DLGAP1: variants seen among roughly 807,000 people sequenced by gnomAD.
DLGAP1 encodes DLG associated protein 1, also known as disks large-associated protein 1.
Under a neutral mutation model 90.8 loss-of-function variants are expected in DLGAP1, and 11 were observed. The observed-to-expected ratio is 0.12, with a 90% CI of 0.08 to 0.20. The LOEUF is 0.20. Ranked by LOEUF, DLGAP1 falls within the 10% of genes least tolerant of loss-of-function variation. The probability of loss-of-function intolerance (pLI) is 1.00; values close to 1 mark genes in which losing one functional copy is unlikely to be tolerated. For missense variants in DLGAP1, 1,050 were observed against 1,333.8 expected, an observed-to-expected ratio of 0.79 and a Z score of 3.31; for synonymous variants, 558 against 540.7, an observed-to-expected ratio of 1.03 and a Z score of -0.44.
At chr18:3,834,312 A>G (rs1424316233) in intron 4 of DLGAP1, among the ~76,000 whole-genome samples, 1 of 149,178 alleles carries the variant, frequency 6.7e-6, no homozygotes, top group East Asian at 1.9e-4. Flanking sequence ...TCTCAAAAAA[A>G]AAAAAAAAAA....
At chr18:3,602,914 T>TGTGTGCA (rs2057140821) in intron 7 of DLGAP1, 2 of 152,212 alleles carry the variant, frequency 1.3e-5, no homozygotes, top group Non-Finnish European at 2.9e-5. Flanking sequence ...GGACTGTGGT[T>TGTGTGCA]GAGACTTCAT....
Position 3,870,175 on chromosome 18 carries a change from C to T in DLGAP1, c.957+8937G>A, listed in dbSNP as rs146012986. Among the ~76,000 whole-genome samples, 7 of 152,274 alleles carry T rather than the reference C, an allele frequency of 4.6e-5. No individual in the cohort carries two copies. In the East Asian group the frequency reaches 7.7e-4, roughly 17 times the overall value. On this transcript the variant is annotated intron_variant, in intron 4 of 12. Transcript: ENST00000315677. ...CAGAATCATCCCATATCTATGAAAT[C>T]GGAATCTCTTGGGTGGATGCCAGAG...
At chr18:3,829,832 T>C (rs2067934452) in intron 4 of DLGAP1, among the ~76,000 whole-genome samples, 1 of 152,164 alleles carries the variant, frequency 6.6e-6, no homozygotes, top group South Asian at 2.1e-4. Context: ...TAGGGTTTGA[T>C]TGGGCACTGG....
chr18:3,583,167 TACC>T (rs1568240564), intron 7 of DLGAP1, among the ~76,000 whole-genome samples: 6,598 of 110,914 alleles, frequency 0.059, 226 homozygotes, highest in East Asian at 0.082. Context: ...CCTACCTACC[TACC>T]TACCTACCTA....
At chr18:3,845,513 C>T in intron 4 of DLGAP1, 3 of 984,002 alleles carry the variant, frequency 3.0e-6, no homozygotes, top group Non-Finnish European at 3.6e-6. Context: ...TAAGTGAATA[C>T]TTAGTGCAGA....
chr18:4,207,086 T>C (rs1403320142), intron 1 of DLGAP1, among the ~76,000 whole-genome samples: 1 of 152,110 alleles, frequency 6.6e-6, no homozygotes, highest in Non-Finnish European at 1.5e-5. Flanking sequence ...TCTTCCATCA[T>C]CATAGAAGAA....
intron 4 of DLGAP1, among the ~76,000 whole-genome samples, chr18:3,847,507 A>G (rs1471358446): frequency 2.0e-5 from 3 of 152,154 alleles, no homozygotes; most frequent in African/African-American, 4.8e-5. Flanking sequence ...AATAAAGATG[A>G]AGGGGAGGAA....
intron 3 of DLGAP1, among the ~76,000 whole-genome samples, chr18:3,957,631 T>A (rs2148976944): frequency 6.6e-6 from 1 of 152,306 alleles, no homozygotes; most frequent in Non-Finnish European, 1.5e-5. Flanking sequence ...TGAAAAAAAA[T>A]TACATTTTCT....
intron 1 of DLGAP1, among the ~76,000 whole-genome samples, chr18:4,406,466 G>A (rs1249639340): frequency 6.6e-6 from 1 of 152,146 alleles, no homozygotes; most frequent in Non-Finnish European, 1.5e-5. Flanking sequence ...GTGTTTTTAT[G>A]CACATATTTT....
intron 1 of DLGAP1, among the ~76,000 whole-genome samples, chr18:4,191,870 G>A (rs575811570): frequency 6.6e-6 from 1 of 152,236 alleles, no homozygotes; most frequent in South Asian, 2.1e-4. Flanking sequence ...TTCTTCTAAT[G>A]GAATGAGAGT....
At chr18:3,808,050 AT>A (rs559850335) in intron 5 of DLGAP1, among the ~76,000 whole-genome samples, 1 of 152,208 alleles carries the variant, frequency 6.6e-6, no homozygotes, top group African/African-American at 2.4e-5. Context: ...ATGAAGGAAC[AT>A]TTTTTTAAAA....
At chr18:4,035,519 G>T (rs180790454) in intron 2 of DLGAP1, among the ~76,000 whole-genome samples, 1 of 152,162 alleles carries the variant, frequency 6.6e-6, no homozygotes, top group Non-Finnish European at 1.5e-5. Flanking sequence ...TTAAAAATCT[G>T]CAGGGATGAG....
chr18:3,582,290 G>A lies in DLGAP1; in HGVS notation c.1592-42C>T. 2.5e-6 allele frequency: 4 copies of A among 1,576,162 alleles called. No homozygotes were observed. The East Asian group carries it at 6.8e-5, about 27-fold the overall frequency. Reference sequence around the variant, plus strand: ...ACAAAGACAATGTGATTTCTGCGTGGGTTTTAATTTCTGATATTGTAACTG... The same window carrying A: ...ACAAAGACAATGTGATTTCTGCGTGAGTTTTAATTTCTGATATTGTAACTG... On this transcript the variant is annotated intron_variant, in intron 7 of 12. Coordinates refer to ENST00000315677, the MANE Select transcript of DLGAP1 (RefSeq NM_004746.4).
chr18:3,590,594 C>A (rs1264530434), intron 7 of DLGAP1, among the ~76,000 whole-genome samples: 1 of 152,116 alleles, frequency 6.6e-6, no homozygotes, highest in African/African-American at 2.4e-5. Context: ...GTGGCCCACA[C>A]CTGTAATCCC....
chr18:3,795,447 C>G (rs1047095873), intron 5 of DLGAP1, among the ~76,000 whole-genome samples: 3 of 152,064 alleles, frequency 2.0e-5, no homozygotes, highest in African/African-American at 7.2e-5. Flanking sequence ...TCCTGAGTAG[C>G]TGGGACTACA....
At chr18:4,251,824 G>A (rs1436131631) in intron 1 of DLGAP1, among the ~76,000 whole-genome samples, 2 of 152,176 alleles carry the variant, frequency 1.3e-5, no homozygotes, top group Admixed American at 6.5e-5. Context: ...CAGCTTACAT[G>A]TCTCTAAGAC....
intron 7 of DLGAP1, among the ~76,000 whole-genome samples, chr18:3,617,432 C>G (rs1036286004): frequency 1.3e-5 from 2 of 151,894 alleles, no homozygotes. Context: ...AACCCCATCT[C>G]TAGTAAAAAT....
chr18:3,696,098 T>TA (rs1381700575), intron 7 of DLGAP1, among the ~76,000 whole-genome samples: 2 of 152,246 alleles, frequency 1.3e-5, no homozygotes, highest in Non-Finnish European at 2.9e-5. Flanking sequence ...GATTTTGGGC[T>TA]GAGACGATGG....
chr18:3,734,450 T>G (rs898969013), intron 6 of DLGAP1, among the ~76,000 whole-genome samples: 3 of 150,778 alleles, frequency 2.0e-5, no homozygotes, highest in African/African-American at 7.5e-5. Flanking sequence ...TTTTCCTTCC[T>G]TTCTAGTTCC....
Sources: allele counts gnomAD v4.1 joint callset (sites outside exome capture counted in the v4.1 genomes callset), GRCh38; gene constraint gnomAD v4.1.1; transcripts MANE v1.5; gene names NCBI Gene and HGNC (gene_info 2026-07-23, HGNC 2026-07-21).